ZSWIM6: variants seen among roughly 807,000 people sequenced by gnomAD.
ZSWIM6 encodes zinc finger SWIM domain-containing protein 6.
ZSWIM6 carries 9 observed loss-of-function variants against 113.2 expected under a neutral mutation model. The observed-to-expected ratio is 0.08, with a 90% CI of 0.05 to 0.14. The LOEUF is 0.14. Ranked by LOEUF, ZSWIM6 falls within the 10% of genes least tolerant of loss-of-function variation. The pLI is 1.00. For synonymous variants in ZSWIM6, 611 were observed against 606.5 expected (o/e 1.01, Z -0.11); for missense variants, 1,162 against 1,552.2 (o/e 0.75, Z 4.22).
chr5:61,420,410 A>G (rs1011147068), intron 1 of ZSWIM6, among the ~76,000 whole-genome samples: 2 of 152,252 alleles, frequency 1.3e-5, no homozygotes, highest in African/African-American at 4.8e-5. Context: ...TTAACATCAG[A>G]TAGGAAGAAA....
chr5:61,436,646 T>C (rs982407499), intron 1 of ZSWIM6, among the ~76,000 whole-genome samples: 2 of 152,218 alleles, frequency 1.3e-5, no homozygotes, highest in African/African-American at 4.8e-5. Flanking sequence ...TTACTAAATA[T>C]TAGGCAATGT....
intron 13 of ZSWIM6, 116 bp downstream of exon 13, chr5:61,542,081 C>G (rs1168681182): frequency 5.6e-6 from 5 of 885,610 alleles, no homozygotes; most frequent in Admixed American, 4.9e-5. Flanking sequence ...AAGGCTCCTT[C>G]TAGCAGTCCA....
At chr5:61,372,884 TTTAG>T (rs1421388985) in intron 1 of ZSWIM6, among the ~76,000 whole-genome samples, 5 of 152,162 alleles carry the variant, frequency 3.3e-5, no homozygotes, top group Non-Finnish European at 7.3e-5. Context: ...CTTTTTTTCA[TTTAG>T]TTATTTAATT....
In ZSWIM6 at chr5:61,544,207, T is replaced by G. The variant is rs775086998; in HGVS notation, c.3538T>G (p.Leu1180Val). The G allele has an allele frequency of 5.0e-5, 78 of 1,551,704 alleles. No individual in the cohort carries two copies. The highest frequency in any genetic ancestry group is 3.3e-4 in the Middle Eastern group (2 of 5,992). The part of the protein sequence containing the change: ...EFLSKARETF[L>V]MAHDGHIQFT... ...CCTCAGCAAAGCCCGAGAGACCTTC[T>G]TAATGGCGCATGATGGACACATTCA... Residue 1180 changes from leucine to valine, a missense_variant, in exon 14 of 14, where the codon TTA (leucine) becomes GTA (valine). Physicochemically the swap from Leu to Val is conservative, Grantham distance 32. Around this residue, in one of 4 missense-constraint regions of ZSWIM6, gnomAD observed 113 missense variants for 213.8 expected, o/e 0.53. Coordinates refer to ENST00000252744, the MANE Select transcript of ZSWIM6 (RefSeq NM_020928.2).
chr5:61,501,885 A>G (rs1199722008), intron 4 of ZSWIM6, among the ~76,000 whole-genome samples: 3 of 152,178 alleles, frequency 2.0e-5, no homozygotes, highest in African/African-American at 7.2e-5. Context: ...CTTCTTTCTC[A>G]TAATTCTTAG....
At chr5:61,376,053 T>C (rs953963393) in intron 1 of ZSWIM6, among the ~76,000 whole-genome samples, 1 of 93,356 alleles carries the variant, frequency 1.1e-5, no homozygotes, top group African/African-American at 4.3e-5. Flanking sequence ...ATCTATTTTT[T>C]TCTCTTCCAG....
intron 2 of ZSWIM6, among the ~76,000 whole-genome samples, chr5:61,478,166 C>T (rs1170650621): frequency 2.0e-5 from 3 of 152,036 alleles, no homozygotes; most frequent in African/African-American, 7.2e-5. Context: ...GGTAGGGTCT[C>T]CTGATGGTCT....
chr5:61,392,147 A>G (rs1657856363), intron 1 of ZSWIM6, among the ~76,000 whole-genome samples: 1 of 152,202 alleles, frequency 6.6e-6, no homozygotes, highest in African/African-American at 2.4e-5. Flanking sequence ...AGATACTCTA[A>G]CTTTCAATGT....
Position 61,404,220 on chromosome 5 carries a change from A to G in ZSWIM6, c.677-68461A>G, listed in dbSNP as rs1484037957. Among the ~76,000 whole-genome samples the G allele has an allele frequency of 3.3e-5, 5 of 152,234 alleles. No homozygotes were observed. The East Asian group carries it at 9.7e-4, about 29-fold the overall frequency. On this transcript the variant is annotated intron_variant, in intron 1 of 13. Transcript: ENST00000252744. ...ATGGGGTTTCACCGTATTAGCCAGG[A>G]TGTTAAAAAAGTATTTTTTGTACCA...
chr5:61,346,389 C>T (rs1421255746), intron 1 of ZSWIM6, among the ~76,000 whole-genome samples: 6 of 152,118 alleles, frequency 3.9e-5, no homozygotes, highest in African/African-American at 1.4e-4. Context: ...TGTAATCTTT[C>T]TGTAGTTAGA....
chr5:61,527,792 A>T (rs1316042141), intron 7 of ZSWIM6, among the ~76,000 whole-genome samples: 2 of 152,230 alleles, frequency 1.3e-5, no homozygotes, highest in African/African-American at 2.4e-5. Flanking sequence ...AAATCATATT[A>T]TACATTTTAT....
intron 1 of ZSWIM6, among the ~76,000 whole-genome samples, chr5:61,422,866 G>T (rs904863600): frequency 6.6e-6 from 1 of 151,980 alleles, no homozygotes; most frequent in Non-Finnish European, 1.5e-5. Flanking sequence ...TTTGCTGTTG[G>T]CATATAAAAA....
At chr5:61,461,360 T>G (rs886135985) in intron 1 of ZSWIM6, among the ~76,000 whole-genome samples, 1 of 152,240 alleles carries the variant, frequency 6.6e-6, no homozygotes, top group African/African-American at 2.4e-5. Flanking sequence ...TCTATTTCCC[T>G]TATTTAATAA....
chr5:61,394,158 A>C (rs1745790872), intron 1 of ZSWIM6, among the ~76,000 whole-genome samples: 1 of 152,232 alleles, frequency 6.6e-6, no homozygotes, highest in Admixed American at 6.5e-5. Context: ...AATGGAGATA[A>C]AAGGCAAGCT....
intron 2 of ZSWIM6, among the ~76,000 whole-genome samples, chr5:61,486,125 T>G (rs1007406955): frequency 3.3e-5 from 5 of 152,134 alleles, no homozygotes; most frequent in African/African-American, 4.8e-5. Flanking sequence ...CTCCAACTCT[T>G]CCAAGTCTTC....
chr5:61,397,897 T>A (rs1745873695), intron 1 of ZSWIM6, among the ~76,000 whole-genome samples: 1 of 152,182 alleles, frequency 6.6e-6, no homozygotes, highest in Non-Finnish European at 1.5e-5. Context: ...ATTTACCTAT[T>A]AATGTAACTA....
At chr5:61,444,341 C>A (rs1051269954) in intron 1 of ZSWIM6, among the ~76,000 whole-genome samples, 1 of 152,020 alleles carries the variant, frequency 6.6e-6, no homozygotes. Context: ...TTAATCCAGT[C>A]TATCGTTGTG....
intron 1 of ZSWIM6, among the ~76,000 whole-genome samples, chr5:61,344,875 A>G (rs533511625): frequency 6.6e-6 from 1 of 152,138 alleles, no homozygotes; most frequent in South Asian, 2.1e-4. Flanking sequence ...GTGCTGTGGT[A>G]CTCTATTTGC....
chr5:61,386,186 G>A (rs1225151051), intron 1 of ZSWIM6, among the ~76,000 whole-genome samples: 1 of 152,168 alleles, frequency 6.6e-6, no homozygotes, highest in African/African-American at 2.4e-5. Context: ...CATACATTTA[G>A]AGTACTACAT....
Sources: gnomAD v4.1 joint callset for allele counts (sites outside exome capture counted in the v4.1 genomes callset) on GRCh38, gnomAD v4.1.1 for gene constraint, gnomAD v4.1.1 regional missense constraint, MANE v1.5 for transcripts, NCBI Gene and HGNC (gene_info 2026-07-23, HGNC 2026-07-21) for gene names.